KAZN: variants seen among roughly 807,000 people sequenced by gnomAD.
The protein encoded by KAZN is kazrin.
Under a neutral mutation model 87.4 loss-of-function variants are expected in KAZN, and 40 were observed. That is an observed-to-expected ratio of 0.46 (90% CI 0.36 to 0.60). The LOEUF (loss-of-function observed/expected upper bound fraction) is 0.60, where lower values mean the gene tolerates loss of function less well. Ranked by LOEUF, KAZN falls within the 20% of genes least tolerant of loss-of-function variation. The pLI is 0.00. For missense variants in KAZN, 898 were observed against 1,073.9 expected (o/e 0.84, Z 2.29); for synonymous variants, 466 against 458.3 (o/e 1.02, Z -0.22).
intron 1 of KAZN, among the ~76,000 whole-genome samples, chr1:14,889,994 A>G (rs559876099): frequency 6.6e-6 from 1 of 152,216 alleles, no homozygotes; most frequent in Non-Finnish European, 1.5e-5. Flanking sequence ...AGCCTCTTGA[A>G]GAGTTACAAT....
chr1:14,705,639 G>A (rs1337655243), intron 1 of KAZN, among the ~76,000 whole-genome samples: 9 of 152,170 alleles, frequency 5.9e-5, no homozygotes. Flanking sequence ...CTACATGGGT[G>A]GAACTGGAGG....
At chr1:15,002,180 G>A (rs191503922) in intron 2 of KAZN, among the ~76,000 whole-genome samples, 18 of 152,182 alleles carry the variant, frequency 1.2e-4, no homozygotes, top group South Asian at 2.1e-4. Flanking sequence ...GTGCCTGGCC[G>A]CAAAATCTTA....
At chr1:13,932,349 C>T (rs1570315520) in intron 1 of KAZN, among the ~76,000 whole-genome samples, 2 of 149,804 alleles carry the variant, frequency 1.3e-5, no homozygotes, top group African/African-American at 5.0e-5. Context: ...CAAGCTCCGC[C>T]TCCCGGGTTC....
At chr1:14,728,488 AT>A (rs1166305618) in intron 1 of KAZN, among the ~76,000 whole-genome samples, 3 of 152,058 alleles carry the variant, frequency 2.0e-5, no homozygotes, top group Admixed American at 2.0e-4. Context: ...AGTTAATTGG[AT>A]GAATGAATGA....
chr1:14,851,081 C>T lies in KAZN; in HGVS notation c.227-109603C>T, dbSNP rs558018687. On this transcript the variant is annotated intron_variant, in intron 1 of 14. Transcript: ENST00000376030. ...TATGCCTTTGTCGGGTTGGCCCTTC[C>T]ACCATCAGATGTGTCAGTCCTTGGC... 3.4e-4 allele frequency among the ~76,000 whole-genome samples: 52 copies of T among 152,302 alleles called. 1 individual carries two copies. The highest frequency in any genetic ancestry group is 7.1e-4 in the Non-Finnish European group (48 of 68,024).
chr1:14,149,344 T>G (rs1397306561), intron 1 of KAZN, among the ~76,000 whole-genome samples: 2 of 151,948 alleles, frequency 1.3e-5, no homozygotes, highest in African/African-American at 2.4e-5. Context: ...CCTGACCTCG[T>G]GATCCACCTG....
chr1:13,923,717 C>T (rs1570289928), intron 1 of KAZN, among the ~76,000 whole-genome samples: 1 of 151,530 alleles, frequency 6.6e-6, no homozygotes, highest in Non-Finnish European at 1.5e-5. Context: ...TTAGGGGCGG[C>T]AGAGGCAGAA....
chr1:14,806,691 T>A (rs1363909780), intron 1 of KAZN, among the ~76,000 whole-genome samples: 1 of 152,116 alleles, frequency 6.6e-6, no homozygotes, highest in Non-Finnish European at 1.5e-5. Context: ...TCTAACACAC[T>A]CCCAACCTAA....
chr1:14,476,515 A>G (rs1337799459), intron 2 of KAZN, among the ~76,000 whole-genome samples: 1 of 152,194 alleles, frequency 6.6e-6, no homozygotes, highest in Non-Finnish European at 1.5e-5. Flanking sequence ...AAGACAGACA[A>G]CAGGGACTGA....
chr1:14,737,136 G>T (rs1363010042), intron 1 of KAZN, among the ~76,000 whole-genome samples: 1 of 152,194 alleles, frequency 6.6e-6, no homozygotes, highest in African/African-American at 2.4e-5. Flanking sequence ...CACTGAGGAG[G>T]TAACATTTGA....
intron 2 of KAZN, among the ~76,000 whole-genome samples, chr1:14,972,748 C>T (rs1207248470): frequency 6.6e-6 from 1 of 152,076 alleles, no homozygotes; most frequent in Non-Finnish European, 1.5e-5. Flanking sequence ...CTCCTGACCT[C>T]AAGTGATTCG....
intron 2 of KAZN, among the ~76,000 whole-genome samples, chr1:14,277,491 G>A (rs1253268289): frequency 6.6e-6 from 1 of 151,886 alleles, no homozygotes; most frequent in African/African-American, 2.4e-5. Context: ...TGGTGAAACT[G>A]CATCTCTACT....
At chr1:14,338,502 AAAAGAGAGAG>A (rs1657441398) in intron 2 of KAZN, among the ~76,000 whole-genome samples, 1 of 141,480 alleles carries the variant, frequency 7.1e-6, no homozygotes, top group Admixed American at 6.8e-5. Context: ...AAAAAAAAAA[AAAAGAGAGAG>A]AGAGAGAGTG....
At chr1:14,296,275 T>C (rs1538534) in intron 2 of KAZN, among the ~76,000 whole-genome samples, 1 of 152,188 alleles carries the variant, frequency 6.6e-6, no homozygotes, top group Non-Finnish European at 1.5e-5. Context: ...TAGGGCCTTT[T>C]CTTGCTGTTA....
At chr1:14,699,048 T>A (rs1235862452) in intron 1 of KAZN, among the ~76,000 whole-genome samples, 2 of 152,226 alleles carry the variant, frequency 1.3e-5, no homozygotes, top group Non-Finnish European at 2.9e-5. Context: ...AGCGTCTGGC[T>A]GTAGCACATA....
intron 1 of KAZN, among the ~76,000 whole-genome samples, chr1:13,951,559 G>T (rs932737180): frequency 6.6e-6 from 1 of 151,128 alleles, no homozygotes; most frequent in African/African-American, 2.4e-5. Flanking sequence ...GTAGGGTGTT[G>T]TTATGTCTTG....
intron 2 of KAZN, among the ~76,000 whole-genome samples, chr1:14,975,353 G>A (rs1378157145): frequency 6.6e-6 from 1 of 152,208 alleles, no homozygotes; most frequent in Non-Finnish European, 1.5e-5. Flanking sequence ...CTGATAGCCA[G>A]GCAGGCTGGA....
rs1643252189 is a variant in KAZN, at chr1:14,071,658, G to T, written c.92-108777G>T. Among the ~76,000 whole-genome samples, 4 of 152,216 alleles carry T rather than the reference G, an allele frequency of 2.6e-5. No homozygotes were observed. The South Asian group carries it at 6.2e-4, about 24-fold the overall frequency. ...CATGGTGTGTCCTCAGCAGGTACAG[G>T]TGTGTCGCTAGCGGGCACCTCCTGC... On this transcript the variant is annotated intron_variant, in intron 1 of 16. Coordinates refer to the KAZN transcript ENST00000636203.
At chr1:14,952,658 G>GA in intron 1 of KAZN, among the ~76,000 whole-genome samples, 1 of 151,876 alleles carries the variant, frequency 6.6e-6, no homozygotes, top group African/African-American at 2.4e-5. Context: ...TCCACTCAGA[G>GA]CCCCCCAAGC....
Sources: allele counts gnomAD v4.1 joint callset (sites outside exome capture counted in the v4.1 genomes callset), GRCh38; gene constraint gnomAD v4.1.1; transcripts MANE v1.5; gene names NCBI Gene and HGNC (gene_info 2026-07-23, HGNC 2026-07-21).